Variants in C17orf67 observed in about 807,000 individuals in gnomAD.
The protein encoded by C17orf67 is uncharacterized protein C17orf67.
Under a neutral mutation model 11.2 loss-of-function variants are expected in C17orf67, and 12 were observed. The ratio of observed to expected loss-of-function variants is 1.07; its 90% CI spans 0.68 to 1.73. The LOEUF (loss-of-function observed/expected upper bound fraction) is 1.73. Ranked by LOEUF, C17orf67 falls within the 40% of genes most tolerant of loss-of-function variation. The pLI, the probability that C17orf67 is intolerant of heterozygous loss-of-function variation, is 0.00. For synonymous variants in C17orf67, 59 were observed against 46.9 expected, an observed-to-expected ratio of 1.26 and a Z score of -1.05; for missense variants, 115 against 113.5, an observed-to-expected ratio of 1.01 and a Z score of -0.06.
intron 6 of C17orf67, among the ~76,000 whole-genome samples, chr17:56,798,638 G>A (rs1323792545): frequency 2.0e-5 from 3 of 149,890 alleles, no homozygotes; most frequent in Non-Finnish European, 4.4e-5. Context: ...GACCAGCCTG[G>A]GCGACGTGGT....
intron 4 of C17orf67, among the ~76,000 whole-genome samples, chr17:56,820,735 C>CCAAACA (rs1437780019): frequency 4.0e-5 from 6 of 151,398 alleles, no homozygotes; most frequent in Admixed American, 6.6e-5. Flanking sequence ...TTCACAACAC[C>CCAAACA]CAAACACAAC....
chr17:56,832,624 T>C (rs1043507241), intron 2 of C17orf67, among the ~76,000 whole-genome samples: 3 of 152,186 alleles, frequency 2.0e-5, no homozygotes, highest in Non-Finnish European at 2.9e-5. Flanking sequence ...TTACTTACAC[T>C]GACCCACCCT....
intron 2 of C17orf67, among the ~76,000 whole-genome samples, chr17:56,827,849 C>A (rs1906080010): frequency 6.6e-6 from 1 of 152,208 alleles, no homozygotes; most frequent in East Asian, 1.9e-4. Flanking sequence ...GTAACGTGGG[C>A]ATGGAGTATT....
chr17:56,814,752 T>C, intron 6 of C17orf67, 117 bp downstream of exon 6: 2 of 977,908 alleles, frequency 2.0e-6, no homozygotes, highest in South Asian at 2.8e-5. Flanking sequence ...ATCTTCTACC[T>C]GAAACTCTAA....
At position 56,817,407 on chromosome 17, in the gene C17orf67, A is replaced by G. The variant is rs1259411892; in HGVS notation, c.-200-1397T>C. ...TAAACAAGAAAAAAAAGATCATGCA[A>G]TGTTAGCAAAGTTGTCTCACATGTT... On this transcript the variant is annotated intron_variant, in intron 4 of 7. Coordinates refer to ENST00000397861, the MANE Select transcript of C17orf67 (RefSeq NM_001085430.4). 3.3e-5 allele frequency among the ~76,000 whole-genome samples: 5 copies of G among 152,218 alleles called. No homozygotes were observed. In the East Asian group the frequency reaches 7.7e-4, roughly 23 times the overall value.
intron 4 of C17orf67, among the ~76,000 whole-genome samples, chr17:56,820,761 G>C (rs1430590672): frequency 7.3e-6 from 1 of 137,226 alleles, no homozygotes; most frequent in Admixed American, 7.2e-5. Context: ...GTTTGGGTGA[G>C]TTTCCCTTTT....
chr17:56,825,187 G>A lies in C17orf67; in HGVS notation c.-422C>T, dbSNP rs966518457. ...ATATTTTAAAATGATGCTGATGCAG[G>A]TGATTCAAAATCCACACTCTGCGGT... On this transcript the variant is annotated 5_prime_UTR_variant, in exon 3 of 8. Transcript: ENST00000397861. The A allele has an allele frequency of 6.6e-6, 1 of 152,184 alleles. No homozygotes were observed. Among genetic ancestry groups the A allele is most frequent in the Non-Finnish European group, 1.5e-5 (1 of 68,046 alleles). The allele number at this position is 152,184 out of a possible 1,614,324, so 9.4% of individuals were successfully genotyped here. A position where few individuals can be genotyped will look rare whatever the true frequency, so the allele number is the denominator to read the frequency against.
At chr17:56,826,301 CTAATT>C (rs1435727493) in intron 2 of C17orf67, among the ~76,000 whole-genome samples, 3 of 151,990 alleles carry the variant, frequency 2.0e-5, no homozygotes, top group Non-Finnish European at 4.4e-5. Context: ...CAAATCTAAA[CTAATT>C]TAAGCGTTCT....
At chr17:56,829,787 A>G (rs1185092442) in intron 2 of C17orf67, among the ~76,000 whole-genome samples, 2 of 152,390 alleles carry the variant, frequency 1.3e-5, no homozygotes, top group Non-Finnish European at 2.9e-5. Flanking sequence ...AAGAAATGCC[A>G]TACTTTAGAG....
intron 6 of C17orf67, among the ~76,000 whole-genome samples, chr17:56,806,009 C>G (rs1035329823): frequency 7.5e-6 from 1 of 132,466 alleles, no homozygotes; most frequent in African/African-American, 2.9e-5. Context: ...GAGTCTCGCT[C>G]TGTCGTCCAG....
At chr17:56,817,017 C>CT (rs987858712) in intron 4 of C17orf67, among the ~76,000 whole-genome samples, 61 of 152,066 alleles carry the variant, frequency 4.0e-4, no homozygotes, top group African/African-American at 1.2e-3. Context: ...ACTCAATTAA[C>CT]TTTTTTATTT....
chr17:56,817,414 C>T (rs1193891349), intron 4 of C17orf67, among the ~76,000 whole-genome samples: 1 of 152,024 alleles, frequency 6.6e-6, no homozygotes, highest in Non-Finnish European at 1.5e-5. Flanking sequence ...GCAATGTTAG[C>T]AAAGTTGTCT....
At chr17:56,800,750 T>G (rs1280813853) in intron 6 of C17orf67, among the ~76,000 whole-genome samples, 1 of 152,160 alleles carries the variant, frequency 6.6e-6, no homozygotes, top group African/African-American at 2.4e-5. Flanking sequence ...TCTCCAAAGC[T>G]CCATAGACTT....
chr17:56,807,103 C>G lies in C17orf67; in HGVS notation c.156+7766G>C, dbSNP rs139414137. On this transcript the variant is annotated intron_variant, in intron 6 of 7. Transcript: ENST00000397861. ...GGCTGGAGATAGAAGTGTGTGCCGTCAGCAGGGAGGTGAGCTTTAAAGCCA... is the reference window on the plus strand; with the variant it reads ...GGCTGGAGATAGAAGTGTGTGCCGTGAGCAGGGAGGTGAGCTTTAAAGCCA... Among the ~76,000 whole-genome samples the G allele has an allele frequency of 2.6e-3, 392 of 152,056 alleles. 1 individual carries two copies. Among genetic ancestry groups the G allele is most frequent in the Non-Finnish European group, 4.6e-3 (315 of 68,026 alleles).
At chr17:56,827,251 T>C (rs559364670) in intron 2 of C17orf67, among the ~76,000 whole-genome samples, 15 of 152,348 alleles carry the variant, frequency 9.8e-5, no homozygotes, top group African/African-American at 3.4e-4. Flanking sequence ...GAATTTTTTT[T>C]GAGACAAGTA....
chr17:56,831,946 C>A (rs1318484202), intron 2 of C17orf67, among the ~76,000 whole-genome samples: 1 of 152,118 alleles, frequency 6.6e-6, no homozygotes, highest in Non-Finnish European at 1.5e-5. Context: ...CACACAGTTT[C>A]TTTTTCTTTC....
At chr17:56,796,909 C>T (rs1905225024) in intron 6 of C17orf67, among the ~76,000 whole-genome samples, 1 of 152,144 alleles carries the variant, frequency 6.6e-6, no homozygotes, top group Non-Finnish European at 1.5e-5. Context: ...CTCCTCGAAG[C>T]CTTCACCAGT....
Position 56,833,006 on chromosome 17 carries a change from T to G in C17orf67, c.-665A>C, listed in dbSNP as rs993599860. On this transcript the variant is annotated 5_prime_UTR_variant, in exon 2 of 8. Coordinates refer to ENST00000397861, the MANE Select transcript of C17orf67 (RefSeq NM_001085430.4). The stretch of plus-strand genomic sequence containing the variant: ...TGCAGTTTTCCTATGATCTCTGCGT[T>G]TCTTTTCTGTTCCTTTGGTCCCTTG... 4 of 152,286 alleles carry G rather than the reference T, an allele frequency of 2.6e-5. No individual in the cohort carries two copies. Among genetic ancestry groups the G allele is most frequent in the African/African-American group, 9.6e-5 (4 of 41,470 alleles). 9.4% of individuals were successfully genotyped at this position (152,286 alleles called of 1,614,324 possible).
At chr17:56,818,164 AAAAAAAG>A (rs1279004575) in intron 4 of C17orf67, among the ~76,000 whole-genome samples, 1 of 151,926 alleles carries the variant, frequency 6.6e-6, no homozygotes, top group African/African-American at 2.4e-5. Flanking sequence ...TTTAAAAAAA[AAAAAAAG>A]AAAAAAGAAA....
Sources: allele counts gnomAD v4.1 joint callset (sites outside exome capture counted in the v4.1 genomes callset), GRCh38; gene constraint gnomAD v4.1.1; transcripts MANE v1.5; gene names NCBI Gene and HGNC (gene_info 2026-07-23, HGNC 2026-07-21).